The following CHST8 variants were observed in gnomAD, a reference collection of about 807,000 sequenced individuals.
CHST8 encodes carbohydrate sulfotransferase 8.
A neutral mutation model predicts 15.0 loss-of-function variants in CHST8; 10 were observed. That is an observed-to-expected ratio of 0.67 (90% CI 0.41 to 1.13). CHST8 has a LOEUF of 1.13. Among genes scored for constraint, CHST8 ranks in the 50% most tolerant of loss-of-function variants. The pLI, the probability that CHST8 is intolerant of heterozygous loss-of-function variation, is 0.00. For synonymous variants in CHST8, 259 were observed against 256.6 expected (o/e 1.01, Z -0.09); for missense variants, 634 against 608.2 (o/e 1.04, Z -0.45).
At position 33,740,274 on chromosome 19, in the gene CHST8, G is replaced by T. The variant is rs181847165; in HGVS notation, c.131-31139G>T. 3.4e-4 allele frequency among the ~76,000 whole-genome samples: 52 copies of T among 152,282 alleles called. 1 individual carries two copies. Among genetic ancestry groups the T allele is most frequent in the Middle Eastern group, 3.4e-3 (1 of 294 alleles). On this transcript the variant is annotated intron_variant, in intron 3 of 4. Transcript: ENST00000650847. ...AAGTCCCCAAGCTCTTAGGGTGAGA[G>T]GGCTCTTCAGTGACGCCCAGGGACC...
intron 1 of CHST8, among the ~76,000 whole-genome samples, chr19:33,632,131 C>T (rs1972129681): frequency 6.9e-6 from 1 of 145,984 alleles, no homozygotes; most frequent in Admixed American, 7.1e-5. Flanking sequence ...TCTTGTCTCT[C>T]TCTCTCTCTT....
intron 3 of CHST8, among the ~76,000 whole-genome samples, chr19:33,722,660 C>A (rs1032646444): frequency 6.6e-6 from 1 of 152,146 alleles, no homozygotes; most frequent in Admixed American, 6.5e-5. Flanking sequence ...GTAACACGAA[C>A]CTGGAGGGGA....
chr19:33,739,931 A>G (rs1334629873), intron 3 of CHST8, among the ~76,000 whole-genome samples: 1 of 152,080 alleles, frequency 6.6e-6, no homozygotes, highest in African/African-American at 2.4e-5. Flanking sequence ...ACAAAAAGCT[A>G]ATGGTTTGGG....
chr19:33,749,663 A>G (rs1974377702), intron 3 of CHST8, among the ~76,000 whole-genome samples: 1 of 151,974 alleles, frequency 6.6e-6, no homozygotes, highest in South Asian at 2.1e-4. Context: ...CAGGTCCTGC[A>G]GCCCTCAGTC....
intron 3 of CHST8, among the ~76,000 whole-genome samples, chr19:33,720,590 G>A (rs559711417): frequency 1.3e-5 from 2 of 152,330 alleles, no homozygotes; most frequent in East Asian, 3.9e-4. Flanking sequence ...TTCTCTGCCA[G>A]CCCTGGCATC....
intron 3 of CHST8, among the ~76,000 whole-genome samples, chr19:33,722,154 T>A (rs1055570452): frequency 2.7e-5 from 4 of 147,218 alleles, no homozygotes; most frequent in Non-Finnish European, 6.0e-5. Flanking sequence ...GACAGATAGA[T>A]GGGAAGATGG....
At chr19:33,687,207 G>A (rs1210402682) in intron 2 of CHST8, among the ~76,000 whole-genome samples, 12 of 152,226 alleles carry the variant, frequency 7.9e-5, no homozygotes, top group Admixed American at 6.5e-4. Context: ...GGGGACGGTA[G>A]GGCATCGCAG....
chr19:33,736,646 CA>C (rs113902125), intron 3 of CHST8, among the ~76,000 whole-genome samples: 2,884 of 152,186 alleles, frequency 0.019, 89 homozygotes, highest in African/African-American at 0.065. Flanking sequence ...TCTCATGTGT[CA>C]GGGGCAGCCA....
chr19:33,657,220 C>T lies in CHST8; in HGVS notation c.-163-10547C>T, dbSNP rs1014245362. On this transcript the variant is annotated intron_variant, in intron 1 of 4. Transcript: ENST00000650847. ...ATACATATACATACACAAACACACACGCATATACACATACACACACATATA... is the reference window on the plus strand; with the variant it reads ...ATACATATACATACACAAACACACATGCATATACACATACACACACATATA... Among the ~76,000 whole-genome samples the T allele has an allele frequency of 5.9e-5, 9 of 151,566 alleles. No individual in the cohort carries two copies. The East Asian group carries it at 7.7e-4, about 13-fold the overall frequency.
chr19:33,697,286 G>A (rs928516625), intron 3 of CHST8, among the ~76,000 whole-genome samples: 1 of 152,100 alleles, frequency 6.6e-6, no homozygotes, highest in African/African-American at 2.4e-5. Context: ...CTACAGTGCA[G>A]TGGTGTGATC....
chr19:33,650,553 A>G (rs1270350435), intron 1 of CHST8, among the ~76,000 whole-genome samples: 1 of 52,640 alleles, frequency 1.9e-5, no homozygotes, highest in Non-Finnish European at 3.7e-5. Context: ...TTTTTGAGAC[A>G]TAGTCTCTCA....
chr19:33,729,194 T>C (rs1026548270), intron 3 of CHST8, among the ~76,000 whole-genome samples: 10 of 152,160 alleles, frequency 6.6e-5, no homozygotes, highest in Non-Finnish European at 1.3e-4. Context: ...AAACAGACTG[T>C]CATTAAAGTG....
intron 2 of CHST8, among the ~76,000 whole-genome samples, chr19:33,688,815 T>A (rs1973036846): frequency 6.6e-6 from 1 of 152,094 alleles, no homozygotes; most frequent in South Asian, 2.1e-4. Flanking sequence ...GCCCCCGCCC[T>A]GGGAGCACGC....
chr19:33,710,189 T>G (rs879424883), intron 3 of CHST8, among the ~76,000 whole-genome samples: 2 of 152,218 alleles, frequency 1.3e-5, no homozygotes, highest in Non-Finnish European at 2.9e-5. Context: ...TGTCCTCATT[T>G]TCATTCATGA....
At chr19:33,723,291 C>A (rs758159260) in intron 3 of CHST8, among the ~76,000 whole-genome samples, 47 of 152,186 alleles carry the variant, frequency 3.1e-4, no homozygotes, top group Admixed American at 6.5e-4. Flanking sequence ...CACATCCATG[C>A]AGATCTCAGT....
chr19:33,757,561 A>C (rs567053025), intron 3 of CHST8, among the ~76,000 whole-genome samples: 1 of 131,930 alleles, frequency 7.6e-6, no homozygotes, highest in Non-Finnish European at 1.6e-5. Flanking sequence ...AGAAAGAAAG[A>C]AAGAAAGAAA....
At chr19:33,730,726 C>T (rs1239693878) in intron 3 of CHST8, among the ~76,000 whole-genome samples, 1 of 152,176 alleles carries the variant, frequency 6.6e-6, no homozygotes, top group East Asian at 1.9e-4. Flanking sequence ...AGTATTGACT[C>T]CCACAATCAC....
At chr19:33,707,995 T>A (rs1056817636) in intron 3 of CHST8, among the ~76,000 whole-genome samples, 4 of 152,198 alleles carry the variant, frequency 2.6e-5, no homozygotes, top group Non-Finnish European at 5.9e-5. Flanking sequence ...AATTTGCATC[T>A]CTCTAATGAG....
chr19:33,728,872 G>A (rs966284145), intron 3 of CHST8, among the ~76,000 whole-genome samples: 12 of 152,226 alleles, frequency 7.9e-5, no homozygotes, highest in African/African-American at 2.7e-4. Flanking sequence ...CAGTGAGGGA[G>A]ACTCAGTCAT....
Sources: gnomAD v4.1 joint callset for allele counts (sites outside exome capture counted in the v4.1 genomes callset) on GRCh38, gnomAD v4.1.1 for gene constraint, MANE v1.5 for transcripts, NCBI Gene and HGNC (gene_info 2026-07-23, HGNC 2026-07-21) for gene names.